Variants in AP3S2 observed in about 807,000 individuals in gnomAD.
AP3S2 encodes AP-3 complex subunit sigma-2.
A neutral mutation model predicts 23.4 loss-of-function variants in AP3S2; 22 were observed. That is an observed-to-expected ratio of 0.94 (90% CI 0.67 to 1.34). The LOEUF (loss-of-function observed/expected upper bound fraction) is 1.34, where lower values mean the gene tolerates loss of function less well. AP3S2 is among the 40% of genes most tolerant of loss of function. The pLI is 0.00. For synonymous variants in AP3S2, 86 were observed against 87.1 expected (o/e 0.99, Z 0.07); for missense variants, 241 against 236.9 (o/e 1.02, Z -0.11).
At chr15:89,839,353 C>A (rs948532107) in intron 4 of AP3S2, among the ~76,000 whole-genome samples, 4 of 152,174 alleles carry the variant, frequency 2.6e-5, no homozygotes, top group African/African-American at 9.7e-5. Context: ...TGCGTGTGTG[C>A]CCACATTGAG....
Position 89,833,772 on chromosome 15 carries a change from C to G in AP3S2, c.*1743G>C, listed in dbSNP as rs917091769. 2.6e-5 allele frequency: 4 copies of G among 152,250 alleles called. No homozygotes were observed. Among genetic ancestry groups the G allele is most frequent in the African/African-American group, 4.8e-5 (2 of 41,464 alleles). 9.4% of individuals were successfully genotyped at this position (152,250 alleles called of 1,614,324 possible). ...GCCCATCTCTGTGCTTATCATGGAG[C>G]TTTCAAGAGTGAGGATCGGAGGCTG... On this transcript the variant is annotated 3_prime_UTR_variant, in exon 6 of 6. Transcript: ENST00000336418.
intron 4 of AP3S2, among the ~76,000 whole-genome samples, chr15:89,858,481 AAGAAAGAAAGAAAGAGAG>A (rs1179962346): frequency 5.5e-5 from 2 of 36,264 alleles, no homozygotes; most frequent in African/African-American, 1.6e-4. Flanking sequence ...GAAAGAAAGA[AAGAAAGAAAGAAAGAGAG>A]AGAGAGAGAG....
At chr15:89,836,157 G>A (rs556628333) in intron 5 of AP3S2, among the ~76,000 whole-genome samples, 1 of 152,296 alleles carries the variant, frequency 6.6e-6, no homozygotes, top group African/African-American at 2.4e-5. Flanking sequence ...CTTGAGGTTA[G>A]ATGGGGTTTG....
Position 89,887,658 on chromosome 15 carries a change from G to A in AP3S2, c.273+863C>T, listed in dbSNP as rs192898141. On this transcript the variant is annotated intron_variant, in intron 3 of 5. Transcript: ENST00000336418. Reference sequence around the variant, plus strand: ...ATTACAGGCATGAGCCACCGCACCCGGCCTATTTATTTTTAATTTATTATT... The same window carrying A: ...ATTACAGGCATGAGCCACCGCACCCAGCCTATTTATTTTTAATTTATTATT... Among the ~76,000 whole-genome samples the A allele has an allele frequency of 1.0e-3, 155 of 148,866 alleles. 1 individual carries two copies. Among genetic ancestry groups the A allele is most frequent in the South Asian group, 8.9e-3 (42 of 4,704 alleles).
intron 4 of AP3S2, chr15:89,848,560 C>T (rs937266321): frequency 6.6e-6 from 1 of 152,312 alleles, no homozygotes; most frequent in Non-Finnish European, 1.5e-5. Context: ...CAGGGTTTCA[C>T]CGTGTTAGCC....
intron 4 of AP3S2, among the ~76,000 whole-genome samples, chr15:89,862,186 C>T (rs920785303): frequency 7.9e-5 from 12 of 152,142 alleles, no homozygotes; most frequent in African/African-American, 2.7e-4. Context: ...GGTTAGAAAA[C>T]CTGCCAGAAA....
intron 4 of AP3S2, among the ~76,000 whole-genome samples, chr15:89,858,237 A>T (rs994564834): frequency 6.6e-6 from 1 of 151,888 alleles, no homozygotes; most frequent in Non-Finnish European, 1.5e-5. Context: ...TGGGAGTTTG[A>T]GACCAGCCTG....
At position 89,835,583 on chromosome 15, in the gene AP3S2, C is replaced by T. The variant is rs1355323156; in HGVS notation, c.514G>A (p.Glu172Lys). 3 of 1,613,502 alleles carry T rather than the reference C, an allele frequency of 1.9e-6. No homozygotes were observed. Among genetic ancestry groups the T allele is most frequent in the South Asian group, 1.1e-5 (1 of 91,064 alleles). The change falls in exon 6 of 6, where the codon GAG (glutamate) becomes AAG (lysine). Residue 172 changes from glutamate (E) to lysine (K), a missense_variant. Physicochemically the swap from Glu to Lys is moderately conservative, Grantham distance 56. Coordinates refer to ENST00000336418, the MANE Select transcript of AP3S2 (RefSeq NM_005829.5). ...CCAATGTTGATGTTCCGAGGAATCT[C>T]TGGCAGGTTGATGTTTTTCACAGCA... Reference protein sequence around the residue: ...VSAVKNINLPEIPRNINIGDL... With the variant: ...VSAVKNINLPKIPRNINIGDL...
intron 5 of AP3S2, among the ~76,000 whole-genome samples, chr15:89,835,896 C>T (rs766542726): frequency 2.5e-4 from 38 of 151,822 alleles, no homozygotes; most frequent in Non-Finnish European, 4.7e-4. Flanking sequence ...GGAGTGGTGG[C>T]GGGCCCCTGT....
At chr15:89,883,369 G>A (rs1279856015) in intron 3 of AP3S2, among the ~76,000 whole-genome samples, 1 of 150,050 alleles carries the variant, frequency 6.7e-6, no homozygotes, top group Non-Finnish European at 1.5e-5. Context: ...ACAAATGTTT[G>A]TTAAAATTAG....
At chr15:89,867,720 A>G (rs1256786) in intron 4 of AP3S2, among the ~76,000 whole-genome samples, 90,608 of 122,214 alleles carry the variant, frequency 0.74, 33,519 homozygotes, top group Admixed American at 0.78. Flanking sequence ...TCTGGGAGGT[A>G]AGGAGCGTCT....
chr15:89,860,887 G>C (rs913980621), intron 4 of AP3S2, among the ~76,000 whole-genome samples: 1 of 152,110 alleles, frequency 6.6e-6, no homozygotes, highest in African/African-American at 2.4e-5. Context: ...ATGTTAACTC[G>C]CACCTTTTAC....
At chr15:89,883,090 C>T (rs1210193724) in intron 3 of AP3S2, among the ~76,000 whole-genome samples, 1 of 152,090 alleles carries the variant, frequency 6.6e-6, no homozygotes, top group Non-Finnish European at 1.5e-5. Flanking sequence ...TATTCCATAC[C>T]AAGTTAATTC....
intron 4 of AP3S2, chr15:89,865,707 T>C (rs1374806579): frequency 6.6e-6 from 1 of 152,154 alleles, no homozygotes; most frequent in East Asian, 1.9e-4. Flanking sequence ...TTAAGAGAAA[T>C]AGATGTTTCA....
chr15:89,876,531 TATGAC>T (rs1298911891), intron 3 of AP3S2: 1 of 152,002 alleles, frequency 6.6e-6, no homozygotes, highest in Non-Finnish European at 1.5e-5. Context: ...AATAAATAAA[TATGAC>T]ATGCATAGGA....
intron 4 of AP3S2, 27 bp from the exon 5 acceptor site, chr15:89,837,749 C>T (rs1895231259): frequency 1.9e-6 from 3 of 1,613,284 alleles, no homozygotes; most frequent in Non-Finnish European, 2.5e-6. Flanking sequence ...AATCAGGAGT[C>T]AGAATACTCT....
chr15:89,887,739 C>T (rs1010549502), intron 3 of AP3S2, among the ~76,000 whole-genome samples: 2 of 152,164 alleles, frequency 1.3e-5, no homozygotes, highest in African/African-American at 4.8e-5. Flanking sequence ...GGCATGATCT[C>T]GGCTCACTGC....
At chr15:89,868,344 G>C in intron 4 of AP3S2, among the ~76,000 whole-genome samples, 1 of 103,946 alleles carries the variant, frequency 9.6e-6, no homozygotes, top group Non-Finnish European at 2.1e-5. Flanking sequence ...GGGAGGTGGA[G>C]GGGTCAGCCC....
Position 89,873,876 on chromosome 15 carries a change from CTTTTT to C in AP3S2, c.274-2335_274-2331del, listed in dbSNP as rs3055916. 7.4e-3 allele frequency among the ~76,000 whole-genome samples: 567 copies of C among 76,906 alleles called. 1 individual carries two copies. The highest frequency in any genetic ancestry group is 0.011 in the Middle Eastern group (1 of 94). 50.5% of individuals were successfully genotyped at this position (76,906 alleles called of 152,430 possible). A position where few individuals can be genotyped will look rare whatever the true frequency, so the allele number is the denominator to read the frequency against. On this transcript the variant is annotated intron_variant, in intron 3 of 5. Transcript: ENST00000336418. ...AAATAAATGTCTTATTTCTCTGTGGCTTTTTTTTTTTTTTTTTTTTTTGAGACAAG... is the reference window on the plus strand; with the variant it reads ...AAATAAATGTCTTATTTCTCTGTGGCTTTTTTTTTTTTTTTTTGAGACAAG...
Sources: gnomAD v4.1 joint callset for allele counts (sites outside exome capture counted in the v4.1 genomes callset) on GRCh38, gnomAD v4.1.1 for gene constraint, MANE v1.5 for transcripts, NCBI Gene and HGNC (gene_info 2026-07-23, HGNC 2026-07-21) for gene names.